The following BCL2 variants were observed in gnomAD, a reference collection of about 807,000 sequenced individuals.
The protein encoded by BCL2 is apoptosis regulator Bcl-2.
Under a neutral mutation model 14.2 loss-of-function variants are expected in BCL2, and 1 was observed. That is an observed-to-expected ratio of 0.07 (90% CI 0.02 to 0.33). The LOEUF (loss-of-function observed/expected upper bound fraction) is 0.33, where lower values mean the gene tolerates loss of function less well. Among genes scored for constraint, BCL2 ranks in the 10% least tolerant of loss-of-function variants. BCL2 has a pLI of 0.99. For synonymous variants in BCL2, 151 were observed against 137.2 expected (o/e 1.10, Z -0.70); for missense variants, 247 against 305.9 (o/e 0.81, Z 1.44).
At chr18:63,306,323 G>A (rs1913133136) in intron 2 of BCL2, among the ~76,000 whole-genome samples, 2 of 152,180 alleles carry the variant, frequency 1.3e-5, no homozygotes, top group South Asian at 4.1e-4. Flanking sequence ...TCAGGCACTT[G>A]ATCTCTTGCC....
chr18:63,166,439 G>T (rs12606418), intron 2 of BCL2, among the ~76,000 whole-genome samples: 43,937 of 152,124 alleles, frequency 0.29, 8,820 homozygotes, highest in African/African-American at 0.54. Flanking sequence ...GGTACCTGCA[G>T]AAGCCACACT....
chr18:63,148,480 T>C (rs1914568809), intron 2 of BCL2, among the ~76,000 whole-genome samples: 1 of 152,236 alleles, frequency 6.6e-6, no homozygotes, highest in Non-Finnish European at 1.5e-5. Flanking sequence ...AAACATTTGT[T>C]ATTTTAAAAA....
chr18:63,248,723 C>A (rs1159657168), intron 2 of BCL2, among the ~76,000 whole-genome samples: 1 of 152,166 alleles, frequency 6.6e-6, no homozygotes, highest in Admixed American at 6.5e-5. Flanking sequence ...ATTGTCTCCC[C>A]CAAGGCATCC....
intron 2 of BCL2, among the ~76,000 whole-genome samples, chr18:63,162,328 G>A (rs1174506862): frequency 6.6e-6 from 1 of 152,112 alleles, no homozygotes; most frequent in Non-Finnish European, 1.5e-5. Context: ...AAACAGAGAT[G>A]ACACCCACAC....
intron 2 of BCL2, among the ~76,000 whole-genome samples, chr18:63,250,664 G>T (rs1403334192): frequency 1.3e-5 from 2 of 152,142 alleles, no homozygotes; most frequent in East Asian, 3.9e-4. Flanking sequence ...TGCATCTTTT[G>T]AGGTACTTGG....
chr18:63,140,238 G>A (rs1466629393), intron 2 of BCL2, among the ~76,000 whole-genome samples: 2 of 152,204 alleles, frequency 1.3e-5, no homozygotes, highest in African/African-American at 4.8e-5. Context: ...AAAACAGTTT[G>A]CTGATTCCTC....
chr18:63,167,246 T>A (rs903731136), intron 2 of BCL2, among the ~76,000 whole-genome samples: 2 of 152,204 alleles, frequency 1.3e-5, no homozygotes, highest in Admixed American at 6.5e-5. Context: ...CTTTCATCTA[T>A]CTATTCATCT....
intron 2 of BCL2, among the ~76,000 whole-genome samples, chr18:63,299,449 C>A (rs1395066036): frequency 2.6e-5 from 4 of 152,222 alleles, no homozygotes; most frequent in African/African-American, 9.7e-5. Context: ...CCTGACCCCA[C>A]CTTCCCATCT....
In BCL2 at chr18:63,181,052, C is replaced by T. The variant is rs761452939; in HGVS notation, c.586-52293G>A. 7.9e-5 allele frequency among the ~76,000 whole-genome samples: 12 copies of T among 152,180 alleles called. No individual in the cohort carries two copies. In the East Asian group the frequency reaches 9.6e-4, roughly 12 times the overall value. On this transcript the variant is annotated intron_variant, in intron 2 of 2. Coordinates refer to ENST00000333681, the MANE Select transcript of BCL2 (RefSeq NM_000633.3). ...CACCATGCACTCTCATGGCTCACGA[C>T]GGAGGCCCCAAATGTAAAGCTTTCA...
intron 2 of BCL2, among the ~76,000 whole-genome samples, chr18:63,227,076 TGAGA>T (rs139192451): frequency 1.3e-3 from 195 of 150,258 alleles, no homozygotes; most frequent in African/African-American, 4.4e-3. Context: ...TAAAGCAATA[TGAGA>T]GAGAGAGAGA....
chr18:63,301,354 T>A (rs1713636893), intron 2 of BCL2, among the ~76,000 whole-genome samples: 1 of 152,374 alleles, frequency 6.6e-6, no homozygotes, highest in Non-Finnish European at 1.5e-5. Context: ...TGAAAGCCAC[T>A]GAACTATACA....
At chr18:63,312,401 G>A (rs1489891785) in intron 2 of BCL2, among the ~76,000 whole-genome samples, 1 of 152,190 alleles carries the variant, frequency 6.6e-6, no homozygotes, top group Non-Finnish European at 1.5e-5. Flanking sequence ...CTGGCAAATG[G>A]AGGGCAGAGA....
In BCL2 at chr18:63,149,532, G is replaced by A. The variant is rs892982580; in HGVS notation, c.586-20773C>T. ...CTCTGTTTCTCTTCTAGCCCAGGGA[G>A]ATGTCATTCTGTTACCCTCAACCCA... On this transcript the variant is annotated intron_variant, in intron 2 of 2. Coordinates refer to ENST00000333681, the MANE Select transcript of BCL2 (RefSeq NM_000633.3). The surrounding 1 kb of genome is among the most constrained non-coding windows in gnomAD (Gnocchi z 4.2). Among the ~76,000 whole-genome samples the A allele has an allele frequency of 2.0e-5, 3 of 152,204 alleles. No homozygotes were observed. Among genetic ancestry groups the A allele is most frequent in the African/African-American group, 7.2e-5 (3 of 41,440 alleles).
At chr18:63,237,199 T>A (rs1432168834) in intron 2 of BCL2, among the ~76,000 whole-genome samples, 1 of 152,058 alleles carries the variant, frequency 6.6e-6, no homozygotes, top group South Asian at 2.1e-4. Flanking sequence ...AGAGGCCCAT[T>A]TTAAGGAAGA....
intron 2 of BCL2, among the ~76,000 whole-genome samples, chr18:63,264,110 G>T (rs1485086831): frequency 6.6e-6 from 1 of 152,178 alleles, no homozygotes; most frequent in Non-Finnish European, 1.5e-5. Context: ...AAAACGCTCA[G>T]CATGCAGATG....
At chr18:63,289,464 C>T (rs191797924) in intron 2 of BCL2, among the ~76,000 whole-genome samples, 78 of 152,098 alleles carry the variant, frequency 5.1e-4, no homozygotes, top group East Asian at 9.7e-4. Flanking sequence ...GAAGGCAGGG[C>T]GGGTTCAGAG....
At chr18:63,222,547 A>G (rs1910426920) in intron 2 of BCL2, among the ~76,000 whole-genome samples, 2 of 152,224 alleles carry the variant, frequency 1.3e-5, no homozygotes, top group African/African-American at 4.8e-5. Flanking sequence ...TACATGAAAA[A>G]AAGAGAATAA....
chr18:63,197,356 T>C (rs972717004), intron 2 of BCL2, among the ~76,000 whole-genome samples: 14 of 152,224 alleles, frequency 9.2e-5, no homozygotes, highest in African/African-American at 3.1e-4. Flanking sequence ...GCTCAGACAG[T>C]GCAAGTCACA....
At chr18:63,265,792 C>A (rs1911807848) in intron 2 of BCL2, among the ~76,000 whole-genome samples, 1 of 152,024 alleles carries the variant, frequency 6.6e-6, no homozygotes, top group Admixed American at 6.6e-5. Context: ...CCAACGAATA[C>A]TAAATCAGCT....
Sources: allele counts gnomAD v4.1 joint callset (sites outside exome capture counted in the v4.1 genomes callset), GRCh38; gene constraint gnomAD v4.1.1; non-coding constraint Gnocchi (gnomAD v3.1); transcripts MANE v1.5; gene names NCBI Gene and HGNC (gene_info 2026-07-23, HGNC 2026-07-21).